The following TRIO variants were observed in gnomAD, a reference collection of about 807,000 sequenced individuals.
The protein encoded by TRIO is triple functional domain protein.
TRIO carries 58 observed loss-of-function variants against 351.9 expected under a neutral mutation model. The ratio of observed to expected loss-of-function variants is 0.16; its 90% confidence interval spans 0.13 to 0.21. The LOEUF (loss-of-function observed/expected upper bound fraction) is 0.21. TRIO is among the 10% of genes least tolerant of loss of function. The probability of loss-of-function intolerance (pLI) is 1.00; values close to 1 mark genes in which losing one functional copy is unlikely to be tolerated. For synonymous variants in TRIO, 1,758 were observed against 1,595.7 expected (o/e 1.10, Z -2.42); for missense variants, 3,201 against 4,027.8 (o/e 0.79, Z 5.56).
At chr5:14,144,928 C>A (rs1178211499) in intron 1 of TRIO, among the ~76,000 whole-genome samples, 1 of 73,802 alleles carries the variant, frequency 1.4e-5, no homozygotes, top group Admixed American at 1.2e-4. Flanking sequence ...GCGGCGGCCT[C>A]GGGGCCGGCA....
At chr5:14,297,035 T>A in intron 6 of TRIO, 37 bp from the exon 7 acceptor site, 1 of 1,562,152 alleles carries the variant, frequency 6.4e-7, no homozygotes, top group Admixed American at 1.8e-5. Flanking sequence ...CTATTTGCTC[T>A]CCCCTAAGGA....
At chr5:14,303,030 G>C (rs1023300073) in intron 7 of TRIO, among the ~76,000 whole-genome samples, 1 of 151,936 alleles carries the variant, frequency 6.6e-6, no homozygotes, top group Non-Finnish European at 1.5e-5. Context: ...GGTTGGGATG[G>C]CTGCCGCAGG....
intron 3 of TRIO, among the ~76,000 whole-genome samples, chr5:14,281,434 C>CG (rs1293521335): frequency 3.9e-5 from 5 of 127,952 alleles, no homozygotes; most frequent in East Asian, 2.9e-4. Flanking sequence ...ACCCCCCCCC[C>CG]CCGCCCCGTG....
chr5:14,306,646 G>C (rs919325361), intron 8 of TRIO, among the ~76,000 whole-genome samples: 1 of 152,214 alleles, frequency 6.6e-6, no homozygotes, highest in Non-Finnish European at 1.5e-5. Flanking sequence ...ACCAAGATGG[G>C]CTTGAATAGC....
chr5:14,181,054 G>C (rs1402276808), intron 1 of TRIO, among the ~76,000 whole-genome samples: 1 of 150,450 alleles, frequency 6.6e-6, no homozygotes, highest in Non-Finnish European at 1.5e-5. Context: ...CCATTATATG[G>C]ATTATAAAAA....
chr5:14,270,168 T>C (rs754709109), intron 1 of TRIO, among the ~76,000 whole-genome samples: 22 of 152,310 alleles, frequency 1.4e-4, no homozygotes, highest in Non-Finnish European at 2.1e-4. Context: ...TTCTAAGATA[T>C]TGGGAGCAGG....
Position 14,457,373 on chromosome 5 carries a change from T to TCCCCCCCCCCCCCCCC in TRIO, c.5204-3632_5204-3631insCCCCCCCCCCCCCCCC, listed in dbSNP as rs61513660. Among the ~76,000 whole-genome samples, 6 of 48,926 alleles carry TCCCCCCCCCCCCCCCC rather than the reference T, an allele frequency of 1.2e-4. 2 individuals carry two copies. Among genetic ancestry groups the TCCCCCCCCCCCCCCCC allele is most frequent in the Admixed American group, 3.2e-4 (1 of 3,102 alleles). 32.1% of individuals were successfully genotyped at this position (48,926 alleles called of 152,430 possible). ...GCTCCCACCTTGGGCAGCCCTGACC[T>TCCCCCCCCCCCCCCCC]CCCCCCCCCCCCCCGCCCCGCCCCC... On this transcript the variant is annotated intron_variant, in intron 34 of 56. Coordinates refer to ENST00000344204, the MANE Select transcript of TRIO (RefSeq NM_007118.4).
At chr5:14,197,421 T>TG (rs1333618849) in intron 1 of TRIO, among the ~76,000 whole-genome samples, 17 of 152,372 alleles carry the variant, frequency 1.1e-4, no homozygotes, top group African/African-American at 3.8e-4. Context: ...CTTGTGGAGA[T>TG]GGGTCTTCTC....
At chr5:14,207,804 A>G (rs1791639334) in intron 1 of TRIO, among the ~76,000 whole-genome samples, 1 of 152,236 alleles carries the variant, frequency 6.6e-6, no homozygotes, top group South Asian at 2.1e-4. Context: ...TTAATCCAGA[A>G]TATATGCAGA....
In TRIO at chr5:14,207,361, C is replaced by CAG. The variant is rs376631690; in HGVS notation, c.158-63461_158-63460dup. Among the ~76,000 whole-genome samples, 67 of 10,100 alleles carry CAG rather than the reference C, an allele frequency of 6.6e-3. 21 individuals are homozygous for CAG. Among genetic ancestry groups the CAG allele is most frequent in the African/African-American group, 0.018 (62 of 3,430 alleles). The allele number at this position is 10,100 out of a possible 152,430, so 6.6% of individuals were successfully genotyped here. ...ACACACACACACACACACACACACACAGAGCCAGGTAGCATAGCAAGACTG... is the reference window on the plus strand; with the variant it reads ...ACACACACACACACACACACACACACAGAGAGCCAGGTAGCATAGCAAGACTG... On this transcript the variant is annotated intron_variant, in intron 1 of 56. Transcript: ENST00000344204.
chr5:14,236,978 T>C (rs1793809035), intron 1 of TRIO, among the ~76,000 whole-genome samples: 1 of 152,184 alleles, frequency 6.6e-6, no homozygotes, highest in African/African-American at 2.4e-5. Flanking sequence ...CCTGTTACAC[T>C]CTGTGATAAC....
chr5:14,206,353 A>G (rs1581348882), intron 1 of TRIO, among the ~76,000 whole-genome samples: 1 of 152,350 alleles, frequency 6.6e-6, no homozygotes, highest in South Asian at 2.1e-4. Flanking sequence ...GAGCCACTGC[A>G]CCTGGTCTAA....
In TRIO at chr5:14,508,419, T is replaced by G; in HGVS notation, c.9291T>G (p.Val3097=). The change falls in exon 57 of 57, where the codon GTT becomes GTG. Residue 3097 remains valine (V), a synonymous_variant. Coordinates refer to ENST00000344204, the MANE Select transcript of TRIO (RefSeq NM_007118.4). ...NFLQSRLLPR[V] ...TGCAGAGCAGGCTTCTGCCTAGAGT[T>G]TGACCTATCCAGAAGTTCTTTCTCA... 1 of 1,602,666 alleles carries G rather than the reference T, an allele frequency of 6.2e-7. No individual in the cohort carries two copies. Among genetic ancestry groups the G allele is most frequent in the Non-Finnish European group, 8.5e-7 (1 of 1,172,936 alleles).
chr5:14,414,785 C>A (rs1256354392), intron 33 of TRIO, among the ~76,000 whole-genome samples: 2 of 152,124 alleles, frequency 1.3e-5, no homozygotes, highest in Admixed American at 1.3e-4. Flanking sequence ...TGGAATTTGA[C>A]CTTATGTAAA....
At chr5:14,477,187 T>C (rs1458620092) in intron 41 of TRIO, 5 of 491,614 alleles carry the variant, frequency 1.0e-5, no homozygotes, top group South Asian at 2.9e-5. Flanking sequence ...CTAGCAACAG[T>C]ACAGGTTGGT....
chr5:14,421,332 G>A (rs866430451), intron 34 of TRIO, among the ~76,000 whole-genome samples: 3 of 148,122 alleles, frequency 2.0e-5, no homozygotes, highest in South Asian at 2.1e-4. Flanking sequence ...GGCCAGGCAC[G>A]GTGACTCACG....
chr5:14,412,976 C>T (rs770041938), intron 33 of TRIO, among the ~76,000 whole-genome samples: 8 of 151,432 alleles, frequency 5.3e-5, no homozygotes, highest in Admixed American at 1.3e-4. Context: ...GTACTGCTCA[C>T]ATATATTTAG....
At chr5:14,297,879 C>A (rs922600284) in intron 7 of TRIO, among the ~76,000 whole-genome samples, 2 of 152,212 alleles carry the variant, frequency 1.3e-5, no homozygotes, top group African/African-American at 2.4e-5. Flanking sequence ...CCACAGTGCT[C>A]ACCCTCCGCA....
intron 34 of TRIO, among the ~76,000 whole-genome samples, chr5:14,448,198 A>C (rs560278406): frequency 2.0e-5 from 3 of 152,246 alleles, no homozygotes. Context: ...AAGAACAGCC[A>C]TTTGACTTTT....
Sources: gnomAD v4.1 joint callset for allele counts (sites outside exome capture counted in the v4.1 genomes callset) on GRCh38, gnomAD v4.1.1 for gene constraint, MANE v1.5 for transcripts, NCBI Gene and HGNC (gene_info 2026-07-23, HGNC 2026-07-21) for gene names.